AFDN: variants seen among roughly 807,000 people sequenced by gnomAD.
AFDN encodes the protein afadin, adherens junction formation factor.
Under a neutral mutation model 216.6 loss-of-function variants are expected in AFDN, and 68 were observed. That is an observed-to-expected ratio of 0.31 (90% CI 0.26 to 0.38). The LOEUF is 0.38. AFDN is among the 10% of genes least tolerant of loss of function. The pLI is 1.00. For missense variants in AFDN, 2,136 were observed against 2,342.0 expected, an observed-to-expected ratio of 0.91 and a Z score of 1.82; for synonymous variants, 868 against 853.7, an observed-to-expected ratio of 1.02 and a Z score of -0.29.
intron 11 of AFDN, among the ~76,000 whole-genome samples, chr6:167,900,321 G>A (rs114827116): frequency 0.01 from 1,557 of 152,246 alleles, 30 homozygotes; most frequent in African/African-American, 0.036. Flanking sequence ...GGTTATAAAC[G>A]AGTGGCAAAG....
At chr6:167,835,787 C>T (rs909074621) in intron 1 of AFDN, among the ~76,000 whole-genome samples, 12 of 152,110 alleles carry the variant, frequency 7.9e-5, no homozygotes, top group African/African-American at 2.2e-4. Context: ...GTTTTGATCT[C>T]ACAGATGACC....
At chr6:167,871,688 G>A (rs1784815273) in intron 3 of AFDN, among the ~76,000 whole-genome samples, 1 of 152,322 alleles carries the variant, frequency 6.6e-6, no homozygotes, top group South Asian at 2.1e-4. Flanking sequence ...CGAAGTTAGA[G>A]ATTTTTGCAC....
rs1215592601 is a variant in AFDN at position 167,962,223 on chromosome 6, A to G, written c.4834-210A>G. Among the ~76,000 whole-genome samples the G allele has an allele frequency of 6.6e-6, 1 of 152,242 alleles. No individual in the cohort carries two copies. Among genetic ancestry groups the G allele is most frequent in the African/African-American group, 2.4e-5 (1 of 41,462 alleles). ...GGAGGAATAACTGGGATTTGTGGCAACCGTTTTTAGGTAATTTATTTTAAA... is the reference window on the plus strand; with the variant it reads ...GGAGGAATAACTGGGATTTGTGGCAGCCGTTTTTAGGTAATTTATTTTAAA... On this transcript the variant is annotated intron_variant, in intron 30 of 33. Transcript: ENST00000683244. The surrounding 1 kb of genome is among the most constrained non-coding windows in gnomAD (Gnocchi z 5.2).
chr6:167,860,407 T>C (rs1314269577), intron 1 of AFDN, among the ~76,000 whole-genome samples: 2 of 152,196 alleles, frequency 1.3e-5, no homozygotes, highest in Admixed American at 6.5e-5. Flanking sequence ...GAGCATTGTA[T>C]TGGATCCTGA....
chr6:167,928,843 C>T (rs1792906884), intron 23 of AFDN, among the ~76,000 whole-genome samples: 1 of 152,220 alleles, frequency 6.6e-6, no homozygotes, highest in Admixed American at 6.5e-5. Flanking sequence ...TGCTGTATGT[C>T]CTCTTTGCAT....
Position 167,917,089 on chromosome 6 carries a change from G to A in AFDN, c.2566G>A (p.Ala856Thr), listed in dbSNP as rs761737549. 1.2e-6 allele frequency: 2 copies of A among 1,611,580 alleles called. No individual in the cohort carries two copies. The highest frequency in any genetic ancestry group is 2.2e-5 in the East Asian group (1 of 44,670). Residue 856 changes from alanine to threonine, a missense_variant and splice_region_variant, in exon 20 of 34, where the codon GCA becomes ACA. This residue lies in a region of AFDN where 162 missense variants were observed against 182.6 expected (regional missense o/e 0.89). Coordinates refer to ENST00000683244, the MANE Select transcript of AFDN (RefSeq NM_001386888.1). The part of the protein sequence containing the change: ...ADCHLSRIVQ[A>T]TTLLTMDKYA... ...TTATGTCCTTTATTCTTTTACATAG[G>A]CAACGACTTTGCTTACCATGGATAA...
At chr6:167,902,218 G>A in intron 11 of AFDN, 99 bp from the exon 12 acceptor site, 2 of 819,720 alleles carry the variant, frequency 2.4e-6, no homozygotes, top group Non-Finnish European at 3.9e-6. Context: ...AAAAATCTTT[G>A]ACATTTGGTA....
At chr6:167,948,505 T>G (rs1012494446) in intron 29 of AFDN, 27 bp downstream of exon 29, 2 of 1,601,018 alleles carry the variant, frequency 1.2e-6, no homozygotes. Context: ...TCCACACACT[T>G]TTCTCACCTC....
At chr6:167,942,376 TA>T (rs1339771117) in intron 23 of AFDN, among the ~76,000 whole-genome samples, 1 of 152,200 alleles carries the variant, frequency 6.6e-6, no homozygotes, top group Non-Finnish European at 1.5e-5. Context: ...CCTAAGGAAT[TA>T]TGCTCAGTTG....
intron 23 of AFDN, among the ~76,000 whole-genome samples, chr6:167,928,437 A>T (rs1210546904): frequency 6.6e-6 from 1 of 152,252 alleles, no homozygotes; most frequent in Non-Finnish European, 1.5e-5. Context: ...AGGCTGAGGG[A>T]CAAGGTGCCA....
chr6:167,835,660 A>G (rs1020691001), intron 1 of AFDN, among the ~76,000 whole-genome samples: 1 of 152,244 alleles, frequency 6.6e-6, no homozygotes, highest in Non-Finnish European at 1.5e-5. Flanking sequence ...TTTTGATGCT[A>G]CTGCCTTGAT....
At chr6:167,901,340 G>A (rs1479879283) in intron 11 of AFDN, among the ~76,000 whole-genome samples, 1 of 152,146 alleles carries the variant, frequency 6.6e-6, no homozygotes, top group East Asian at 1.9e-4. Context: ...TCTCCAATGA[G>A]CTGGGACCAG....
chr6:167,960,950 T>C (rs1796974139), intron 30 of AFDN, among the ~76,000 whole-genome samples: 1 of 152,228 alleles, frequency 6.6e-6, no homozygotes, highest in South Asian at 2.1e-4. Context: ...TTTTCTAAGA[T>C]GTTTTATTAT....
chr6:167,828,639 G>A (rs991904738), intron 1 of AFDN, among the ~76,000 whole-genome samples: 4 of 152,172 alleles, frequency 2.6e-5, no homozygotes, highest in Non-Finnish European at 1.5e-5. Context: ...CTTTAGAAAG[G>A]TGACATGATA....
intron 28 of AFDN, 148 bp from the exon 29 acceptor site, chr6:167,948,145 A>G: frequency 1.3e-6 from 1 of 799,884 alleles, no homozygotes; most frequent in East Asian, 2.7e-5. Flanking sequence ...GCAAAATGAA[A>G]TGTTATTTAT....
intron 1 of AFDN, 115 bp downstream of exon 1, chr6:167,827,352 C>T (rs1779234580): frequency 5.6e-6 from 1 of 179,202 alleles, no homozygotes; most frequent in Non-Finnish European, 1.0e-5. Context: ...CCCCTCCCCC[C>T]TCCGCCCCTT....
In AFDN at chr6:167,839,622, C is replaced by T. The variant is rs191339475; in HGVS notation, c.105+12385C>T. Among the ~76,000 whole-genome samples the T allele has an allele frequency of 1.3e-3, 201 of 152,236 alleles. 1 individual carries two copies. The highest frequency in any genetic ancestry group is 4.6e-3 in the African/African-American group (190 of 41,542). ...ACTGGCACTGAGATCTGGGGCTTGA[C>T]GTTGACTCCTAGCCCTCCCACTCAG... On this transcript the variant is annotated intron_variant, in intron 1 of 33. Coordinates refer to ENST00000683244, the MANE Select transcript of AFDN (RefSeq NM_001386888.1).
chr6:167,838,702 C>T (rs1562529579), intron 1 of AFDN, among the ~76,000 whole-genome samples: 1 of 152,214 alleles, frequency 6.6e-6, no homozygotes, highest in Non-Finnish European at 1.5e-5. Flanking sequence ...ATCCTACAGC[C>T]CATCTTCTCT....
At chr6:167,944,350 G>A (rs1795027122) in intron 26 of AFDN, among the ~76,000 whole-genome samples, 1 of 152,156 alleles carries the variant, frequency 6.6e-6, no homozygotes. Context: ...CACATAGTAG[G>A]TGCTCAGTAG....
Sources: gnomAD v4.1 joint callset for allele counts (sites outside exome capture counted in the v4.1 genomes callset) on GRCh38, gnomAD v4.1.1 for gene constraint, gnomAD v4.1.1 regional missense constraint, Gnocchi (gnomAD v3.1) non-coding constraint, MANE v1.5 for transcripts, NCBI Gene and HGNC (gene_info 2026-07-23, HGNC 2026-07-21) for gene names.